ANKRD30A: variants seen among roughly 807,000 people sequenced by gnomAD.
ANKRD30A encodes the protein ankyrin repeat domain 30A.
A neutral mutation model predicts 166.3 loss-of-function variants in ANKRD30A; 170 were observed. The ratio of observed to expected loss-of-function variants is 1.02; its 90% CI spans 0.90 to 1.16. ANKRD30A has a LOEUF of 1.16. Ranked by LOEUF, ANKRD30A falls within the 50% of genes most tolerant of loss-of-function variation. The probability of loss-of-function intolerance (pLI) is 0.00; values close to 1 mark genes in which losing one functional copy is unlikely to be tolerated. For missense variants in ANKRD30A, 1,630 were observed against 1,518.0 expected (o/e 1.07, Z -1.23); for synonymous variants, 564 against 508.9 (o/e 1.11, Z -1.46).
intron 19 of ANKRD30A, among the ~76,000 whole-genome samples, chr10:37,167,334 C>A (rs756548079): frequency 2.0e-5 from 3 of 146,674 alleles, no homozygotes. Flanking sequence ...TTTTGATGTT[C>A]ACAATTTGAA....
At chr10:37,213,700 A>T (rs1008183147) in intron 31 of ANKRD30A, among the ~76,000 whole-genome samples, 1 of 151,354 alleles carries the variant, frequency 6.6e-6, no homozygotes, top group African/African-American at 2.4e-5. Flanking sequence ...TTGTGTTTTC[A>T]TTTGAAATTA....
chr10:37,221,696 T>G lies in ANKRD30A; in HGVS notation c.4185+1799T>G, dbSNP rs1842906380. Among the ~76,000 whole-genome samples, 6 of 151,272 alleles carry G rather than the reference T, an allele frequency of 4.0e-5. No homozygotes were observed. The South Asian group carries it at 1.2e-3, about 31-fold the overall frequency. ...CATATTTTTCTCATAATATTTACCC[T>G]TAAGAAGATTAAGAATTATACATTG... On this transcript the variant is annotated intron_variant, in intron 34 of 35. Transcript: ENST00000361713.
At chr10:37,213,434 C>T (rs535995894) in intron 31 of ANKRD30A, among the ~76,000 whole-genome samples, 1 of 151,900 alleles carries the variant, frequency 6.6e-6, no homozygotes, top group African/African-American at 2.4e-5. Context: ...CTCCTAATAA[C>T]ATCACCTCTA....
Position 37,165,174 on chromosome 10 carries a change from T to A in ANKRD30A, c.2064+19T>A. 1 of 1,589,042 alleles carries A rather than the reference T, an allele frequency of 6.3e-7. No individual in the cohort carries two copies. Among genetic ancestry groups the A allele is most frequent in the Non-Finnish European group, 8.6e-7 (1 of 1,158,264 alleles). On this transcript the variant is annotated intron_variant, in intron 18 of 35. Coordinates refer to ENST00000361713, the MANE Select transcript of ANKRD30A (RefSeq NM_052997.3). ...TACTGAGGTACTGTGTGTTGTTGAT[T>A]TTTTTAAATATTAGTATTGCATGAT...
At chr10:37,135,668 C>T (rs928845414) in intron 5 of ANKRD30A, among the ~76,000 whole-genome samples, 8 of 152,044 alleles carry the variant, frequency 5.3e-5, no homozygotes, top group Non-Finnish European at 1.2e-4. Flanking sequence ...TTTGTTAGTT[C>T]AGGTTTAAGG....
At chr10:37,177,534 T>A (rs1839827099) in intron 24 of ANKRD30A, 2 of 367,030 alleles carry the variant, frequency 5.4e-6, no homozygotes, top group Admixed American at 8.0e-5. Flanking sequence ...TCTACATGTA[T>A]CTGCTCTTAA....
chr10:37,196,097 T>TTTTTA (rs1564549895), intron 27 of ANKRD30A, among the ~76,000 whole-genome samples: 3 of 132,686 alleles, frequency 2.3e-5, no homozygotes, highest in Non-Finnish European at 5.3e-5. Flanking sequence ...TTTTCTATTT[T>TTTTTA]TTTTTTTTTT....
intron 31 of ANKRD30A, among the ~76,000 whole-genome samples, chr10:37,212,936 A>G (rs1842413789): frequency 6.6e-6 from 1 of 151,798 alleles, no homozygotes; most frequent in Non-Finnish European, 1.5e-5. Context: ...CATAAATTTT[A>G]TATTATTACC....
downstream of ANKRD30A, among the ~76,000 whole-genome samples, chr10:37,233,309 G>A (rs192677582): frequency 6.6e-6 from 1 of 152,166 alleles, no homozygotes; most frequent in East Asian, 1.9e-4. Flanking sequence ...GTGCTTCAGG[G>A]TCATAAAACT....
intron 29 of ANKRD30A, among the ~76,000 whole-genome samples, chr10:37,198,610 A>C (rs766231617): frequency 3.0e-4 from 45 of 152,064 alleles, no homozygotes; most frequent in Non-Finnish European, 5.4e-4. Flanking sequence ...GTGTTGCAAC[A>C]CGTTGTATCT....
In ANKRD30A at chr10:37,162,848, G is replaced by A; in HGVS notation, c.2002G>A (p.Asp668Asn). ...GAAAAATGAACAAACATTGAGAGCA[G>A]GTAAATTTTTCAATGTAACTATGGA... Reference protein sequence around the residue: ...ELKNEQTLRADEILPSESKQK... With the variant: ...ELKNEQTLRANEILPSESKQK... Residue 668 changes from aspartate (D) to asparagine (N), a missense_variant and splice_region_variant, in exon 17 of 36, where the codon GAT becomes AAT. Asp to Asn is a conservative substitution (Grantham distance 23). Transcript: ENST00000361713. 6.2e-7 allele frequency: 1 copy of A among 1,612,834 alleles called. No homozygotes were observed. The highest frequency in any genetic ancestry group is 8.5e-7 in the Non-Finnish European group (1 of 1,179,400).
rs767910551 is a variant in ANKRD30A, at chr10:37,142,055, G to A, written c.1158G>A (p.Glu386=). ...GAAGACCTAGGAAGATCGCATGGGA[G>A]AAAAAAGAAGACACACCTAGGGAAA... is the stretch of plus-strand genomic sequence containing the variant. ...AKGRPRKIAW[E]KKEDTPREIM... is the part of the protein sequence containing the mutation. The change falls in exon 7 of 36, where the codon GAG becomes GAA. Residue 386 remains glutamate (E), a synonymous_variant. Coordinates refer to ENST00000361713, the MANE Select transcript of ANKRD30A (RefSeq NM_052997.3). 1.2e-6 allele frequency: 2 copies of A among 1,613,934 alleles called. No homozygotes were observed. Among genetic ancestry groups the A allele is most frequent in the South Asian group, 1.1e-5 (1 of 91,060 alleles).
intron 29 of ANKRD30A, 76 bp downstream of exon 29, chr10:37,197,556 G>C (rs769702350): frequency 4.4e-5 from 71 of 1,598,140 alleles, no homozygotes; most frequent in Non-Finnish European, 5.9e-5. Flanking sequence ...TATCCCCAAT[G>C]CTTTATTTTT....
At chr10:37,239,861 T>C in the ANKRD30A span, among the ~76,000 whole-genome samples, 1 of 152,136 alleles carries the variant, frequency 6.6e-6, no homozygotes, top group East Asian at 1.9e-4. Context: ...AGGGCACAAT[T>C]CTGTAAGTGA....
intron 29 of ANKRD30A, among the ~76,000 whole-genome samples, chr10:37,198,130 C>T (rs1224456760): frequency 6.6e-6 from 1 of 152,034 alleles, no homozygotes; most frequent in East Asian, 1.9e-4. Flanking sequence ...ACACTAGTAC[C>T]ATTTATTGCC....
At chr10:37,218,930 A>G in intron 33 of ANKRD30A, 50 bp from the exon 34 acceptor site, 1 of 1,200,220 alleles carries the variant, frequency 8.3e-7, no homozygotes. Context: ...AGGAACCATG[A>G]TATGCCATTT....
the ANKRD30A span, chr10:37,248,249 G>C: frequency 1.7e-6 from 1 of 597,194 alleles, no homozygotes; most frequent in South Asian, 1.4e-5. Context: ...GGGTAAATAA[G>C]GTTGATCTCA....
intron 21 of ANKRD30A, among the ~76,000 whole-genome samples, chr10:37,172,329 A>G (rs1431818555): frequency 8.1e-6 from 1 of 122,894 alleles, no homozygotes; most frequent in Non-Finnish European, 1.8e-5. Context: ...GCAGTTGGAT[A>G]GAAGGTCAAG....
intron 19 of ANKRD30A, among the ~76,000 whole-genome samples, chr10:37,167,826 A>C (rs1477195173): frequency 6.8e-6 from 1 of 147,226 alleles, no homozygotes; most frequent in African/African-American, 2.6e-5. Flanking sequence ...ATGAGATGTC[A>C]ATTCTACATT....
Sources: allele counts gnomAD v4.1 joint callset (sites outside exome capture counted in the v4.1 genomes callset), GRCh38; gene constraint gnomAD v4.1.1; transcripts MANE v1.5; gene names NCBI Gene and HGNC (gene_info 2026-07-23, HGNC 2026-07-21).